Variants in SIPA1L3 observed in about 807,000 individuals in gnomAD.
The protein encoded by SIPA1L3 is signal induced proliferation associated 1 like 3, also known as signal-induced proliferation-associated 1-like protein 3.
Under a neutral mutation model 150.1 loss-of-function variants are expected in SIPA1L3, and 59 were observed. That is an observed-to-expected ratio of 0.39 (90% CI 0.32 to 0.49). The LOEUF (loss-of-function observed/expected upper bound fraction) is 0.49. Among genes scored for constraint, SIPA1L3 ranks in the 20% least tolerant of loss-of-function variants. The probability of loss-of-function intolerance (pLI) is 0.86; values close to 1 mark genes in which losing one functional copy is unlikely to be tolerated. For missense variants in SIPA1L3, 2,211 were observed against 2,489.5 expected (o/e 0.89, Z 2.38); for synonymous variants, 1,070 against 1,077.6 (o/e 0.99, Z 0.14).
At chr19:38,188,437 G>A (rs1972735121) in intron 16 of SIPA1L3, among the ~76,000 whole-genome samples, 3 of 151,624 alleles carry the variant, frequency 2.0e-5, no homozygotes, top group Non-Finnish European at 2.9e-5. Flanking sequence ...CACCTGCCTT[G>A]GCCTCCAAAG....
chr19:38,039,060 T>C (rs1250727866), intron 2 of SIPA1L3, among the ~76,000 whole-genome samples: 2 of 151,960 alleles, frequency 1.3e-5, no homozygotes, highest in Non-Finnish European at 2.9e-5. Flanking sequence ...TTTTTTGTAT[T>C]TTAGTAGAGA....
At chr19:38,143,658 C>A (rs996189681) in intron 12 of SIPA1L3, among the ~76,000 whole-genome samples, 1 of 150,942 alleles carries the variant, frequency 6.6e-6, no homozygotes. Context: ...CCTGCCTCAG[C>A]CTCCCAAGTA....
Position 38,142,631 on chromosome 19 carries a change from C to T in SIPA1L3, c.3454C>T (p.Pro1152Ser). Residue 1152 changes from proline to serine, a missense_variant, in exon 12 of 22, where the codon CCT becomes TCT. Pro to Ser is a moderately conservative substitution (Grantham distance 74, BLOSUM62 -1). Around this residue, in one of 5 missense-constraint regions of SIPA1L3, gnomAD observed 806 missense variants for 870.1 expected, o/e 0.93. Transcript: ENST00000222345. Reference sequence around the variant, plus strand: ...ATCACCAGCAGGGGCCGACAGAGTCCCTCCCTACCGACAGCCTTCTGGGAG... The same window carrying T: ...ATCACCAGCAGGGGCCGACAGAGTCTCTCCCTACCGACAGCCTTCTGGGAG... ...TVSPAGADRVPPYRQPSGSFS... is the reference protein window; with the variant it reads ...TVSPAGADRVSPYRQPSGSFS... 1 of 1,614,016 alleles carries T rather than the reference C, an allele frequency of 6.2e-7. No individual in the cohort carries two copies. Among genetic ancestry groups the T allele is most frequent in the Non-Finnish European group, 8.5e-7 (1 of 1,179,928 alleles).
intron 2 of SIPA1L3, among the ~76,000 whole-genome samples, chr19:38,061,802 T>C (rs1172035065): frequency 6.7e-6 from 1 of 150,314 alleles, no homozygotes; most frequent in Non-Finnish European, 1.5e-5. Flanking sequence ...GTTTGGGTAA[T>C]GGATTAGTTA....
chr19:38,055,313 G>C (rs946219334), intron 2 of SIPA1L3, among the ~76,000 whole-genome samples: 10 of 152,170 alleles, frequency 6.6e-5, no homozygotes, highest in African/African-American at 9.7e-5. Context: ...CAGGGAGCAG[G>C]CTCCTTCTGA....
rs1970707971 is a variant in SIPA1L3 at position 38,110,256 on chromosome 19, C to T, written c.2163C>T (p.Asp721=). Residue 721 remains aspartate (D), a synonymous_variant, in exon 8 of 22, where the codon GAC becomes GAT. Transcript: ENST00000222345. ...TACGGAAGAGGCACATAGGAAATGACATCGTGACGATCATCTTCCAGGAGC... is the reference window on the plus strand; with the variant it reads ...TACGGAAGAGGCACATAGGAAATGATATCGTGACGATCATCTTCCAGGAGC... ...QLLRKRHIGN[D]IVTIIFQEPG... 1 of 1,614,050 alleles carries T rather than the reference C, an allele frequency of 6.2e-7. No individual in the cohort carries two copies. The highest frequency in any genetic ancestry group is 1.7e-5 in the Admixed American group (1 of 59,982).
intron 1 of SIPA1L3, among the ~76,000 whole-genome samples, chr19:38,012,437 C>G (rs1052673400): frequency 2.0e-5 from 3 of 152,066 alleles, no homozygotes; most frequent in African/African-American, 7.2e-5. Flanking sequence ...TAAGTAAAGG[C>G]TGGGGCCCTG....
At chr19:37,941,032 A>G (rs1022839177) in intron 1 of SIPA1L3, among the ~76,000 whole-genome samples, 6 of 149,458 alleles carry the variant, frequency 4.0e-5, no homozygotes, top group African/African-American at 1.2e-4. Context: ...TAAATGAATC[A>G]TTGGATTTGC....
intron 1 of SIPA1L3, among the ~76,000 whole-genome samples, chr19:37,998,656 G>T (rs746917385): frequency 6.6e-6 from 1 of 152,012 alleles, no homozygotes; most frequent in African/African-American, 2.4e-5. Flanking sequence ...GACATGGTGG[G>T]ATATGCCTGT....
At chr19:38,103,626 C>T (rs976992402) in intron 6 of SIPA1L3, among the ~76,000 whole-genome samples, 1 of 125,088 alleles carries the variant, frequency 8.0e-6, no homozygotes, top group African/African-American at 2.7e-5. Context: ...AAAACTTCAT[C>T]TCAAAAAAAA....
At chr19:37,947,388 C>T (rs2046721606) in intron 1 of SIPA1L3, among the ~76,000 whole-genome samples, 1 of 151,474 alleles carries the variant, frequency 6.6e-6, no homozygotes, top group African/African-American at 2.4e-5. Flanking sequence ...ACTCAGGAGG[C>T]TGAGACAGGA....
intron 1 of SIPA1L3, among the ~76,000 whole-genome samples, chr19:37,959,440 T>G (rs895375033): frequency 2.6e-5 from 4 of 152,184 alleles, no homozygotes; most frequent in Non-Finnish European, 4.4e-5. Flanking sequence ...TCTTGCTTCA[T>G]CCCATTTATA....
chr19:38,021,476 A>G (rs959748480), intron 1 of SIPA1L3, among the ~76,000 whole-genome samples: 1 of 151,872 alleles, frequency 6.6e-6, no homozygotes, highest in African/African-American at 2.4e-5. Context: ...ACATCTGCAT[A>G]TCTGCATTCC....
At chr19:38,165,708 C>A (rs1972193642) in intron 15 of SIPA1L3, among the ~76,000 whole-genome samples, 1 of 152,192 alleles carries the variant, frequency 6.6e-6, no homozygotes, top group Non-Finnish European at 1.5e-5. Context: ...TGGCCCCCAC[C>A]CAGAGTTTCT....
intron 1 of SIPA1L3, among the ~76,000 whole-genome samples, chr19:38,005,054 A>G (rs833894): frequency 0.8 from 121,536 of 152,020 alleles, 49,317 homozygotes; most frequent in East Asian, 0.97. Context: ...GGCCGAGGAA[A>G]GGGTTCTTTT....
chr19:38,056,415 A>G (rs952917691), intron 2 of SIPA1L3, among the ~76,000 whole-genome samples: 1 of 151,930 alleles, frequency 6.6e-6, no homozygotes, highest in South Asian at 2.1e-4. Context: ...TCACCCACTC[A>G]CACCCCTTTC....
At chr19:38,018,684 C>T (rs1968295152) in intron 1 of SIPA1L3, among the ~76,000 whole-genome samples, 1 of 152,176 alleles carries the variant, frequency 6.6e-6, no homozygotes, top group Admixed American at 6.5e-5. Flanking sequence ...GTTATCCTTA[C>T]TCCCACTTTT....
chr19:38,183,968 C>T (rs1290574704), intron 16 of SIPA1L3, among the ~76,000 whole-genome samples: 1 of 152,074 alleles, frequency 6.6e-6, no homozygotes, highest in Non-Finnish European at 1.5e-5. Flanking sequence ...TGAGGAGCTG[C>T]GTGAGCAGTT....
chr19:38,193,646 G>A lies in SIPA1L3; in HGVS notation c.4706G>A (p.Ser1569Asn). ...GCTGGCCTAGAGCCAGGGCTGCCCA[G>A]CGACGTGCTCTTCACCAGCACCTGC... Reference protein sequence around the residue: ...SPAGLEPGLPSDVLFTSTCAF... With the variant: ...SPAGLEPGLPNDVLFTSTCAF... Residue 1569 changes from serine to asparagine, a missense_variant, in exon 18 of 22, where the codon AGC becomes AAC. Coordinates refer to ENST00000222345, the MANE Select transcript of SIPA1L3 (RefSeq NM_015073.3). The A allele has an allele frequency of 6.3e-7, 1 of 1,579,920 alleles. No individual in the cohort carries two copies. Among genetic ancestry groups the A allele is most frequent in the Non-Finnish European group, 8.5e-7 (1 of 1,170,866 alleles).
Sources: gnomAD v4.1 joint callset for allele counts (sites outside exome capture counted in the v4.1 genomes callset) on GRCh38, gnomAD v4.1.1 for gene constraint, gnomAD v4.1.1 regional missense constraint, MANE v1.5 for transcripts, NCBI Gene and HGNC (gene_info 2026-07-23, HGNC 2026-07-21) for gene names.